PDE4B: variants seen among roughly 807,000 people sequenced by gnomAD.
The protein encoded by PDE4B is phosphodiesterase 4B.
PDE4B carries 20 observed loss-of-function variants against 82.2 expected under a neutral mutation model. That is an observed-to-expected ratio of 0.24 (90% CI 0.17 to 0.35). The LOEUF (loss-of-function observed/expected upper bound fraction) is 0.35, where lower values mean the gene tolerates loss of function less well. PDE4B is among the 10% of genes least tolerant of loss of function. The pLI is 1.00. For missense variants in PDE4B, 655 were observed against 907.2 expected, an observed-to-expected ratio of 0.72 and a Z score of 3.57; for synonymous variants, 320 against 318.9, an observed-to-expected ratio of 1.00 and a Z score of -0.04.
At chr1:66,286,228 T>A (rs1371970108) in intron 7 of PDE4B, among the ~76,000 whole-genome samples, 3 of 152,164 alleles carry the variant, frequency 2.0e-5, no homozygotes, top group Admixed American at 1.3e-4. Context: ...GGTTATAAAC[T>A]GAAACTTTGA....
chr1:66,202,146 G>T (rs568889555), intron 3 of PDE4B, among the ~76,000 whole-genome samples: 2 of 152,212 alleles, frequency 1.3e-5, no homozygotes, highest in East Asian at 1.9e-4. Context: ...TTTCCATGTA[G>T]TTGAGCAGTT....
At chr1:65,976,281 A>G (rs1354112112) in intron 3 of PDE4B, among the ~76,000 whole-genome samples, 1 of 152,234 alleles carries the variant, frequency 6.6e-6, no homozygotes, top group Non-Finnish European at 1.5e-5. Flanking sequence ...TCAGACTGGC[A>G]CGGTGCCTGT....
chr1:65,919,726 A>G (rs2100480516), intron 3 of PDE4B, among the ~76,000 whole-genome samples: 1 of 150,034 alleles, frequency 6.7e-6, no homozygotes, highest in East Asian at 1.9e-4. Context: ...AAAATCTATT[A>G]TTTTTATGGT....
At chr1:65,950,929 G>T (rs1054193309) in intron 3 of PDE4B, among the ~76,000 whole-genome samples, 5 of 152,116 alleles carry the variant, frequency 3.3e-5, no homozygotes, top group Non-Finnish European at 7.4e-5. Context: ...TCCTAGGTAA[G>T]AAATACATTT....
chr1:66,294,786 A>G (rs1394013253), intron 7 of PDE4B, among the ~76,000 whole-genome samples: 3 of 152,168 alleles, frequency 2.0e-5, no homozygotes, highest in Non-Finnish European at 4.4e-5. Context: ...GACTGACTAC[A>G]TTAAAAGAGA....
intron 3 of PDE4B, among the ~76,000 whole-genome samples, chr1:66,166,166 A>G (rs1216948114): frequency 6.6e-6 from 1 of 152,196 alleles, no homozygotes; most frequent in Non-Finnish European, 1.5e-5. Context: ...TCAACAAATA[A>G]TACAGAGACA....
intron 3 of PDE4B, among the ~76,000 whole-genome samples, chr1:66,165,353 A>G (rs977025490): frequency 9.9e-5 from 15 of 152,168 alleles, no homozygotes; most frequent in Non-Finnish European, 1.6e-4. Context: ...TTCTAAGACT[A>G]TTATCTGAGG....
At chr1:65,892,859 T>C (rs1280675693) in intron 1 of PDE4B, among the ~76,000 whole-genome samples, 1 of 152,140 alleles carries the variant, frequency 6.6e-6, no homozygotes, top group African/African-American at 2.4e-5. Flanking sequence ...TAATAAATTA[T>C]CTACATTTGC....
At chr1:66,324,385 T>G (rs922965073) in intron 7 of PDE4B, among the ~76,000 whole-genome samples, 3 of 152,154 alleles carry the variant, frequency 2.0e-5, no homozygotes, top group Non-Finnish European at 4.4e-5. Context: ...CATATCACTT[T>G]GAGCAAATTG....
rs533984624 is a variant in PDE4B at position 66,259,327 on chromosome 1, CT to C, written c.584+1465del. Among the ~76,000 whole-genome samples the C allele has an allele frequency of 5.9e-5, 9 of 152,254 alleles. No individual in the cohort carries two copies. The South Asian group carries it at 1.9e-3, about 32-fold the overall frequency. On this transcript the variant is annotated intron_variant, in intron 6 of 16. Transcript: ENST00000341517. ...CCTCTCCTCTTTTAGGGCTTACATT[CT>C]AATACAAAATGCTGTAGGATGCAGT...
At chr1:66,098,744 T>A (rs141222006) in intron 3 of PDE4B, among the ~76,000 whole-genome samples, 8 of 152,286 alleles carry the variant, frequency 5.3e-5, no homozygotes, top group African/African-American at 1.7e-4. Context: ...AGGTTTCATT[T>A]CTAAATCAAA....
intron 1 of PDE4B, among the ~76,000 whole-genome samples, chr1:65,848,436 G>T (rs1385209333): frequency 7.2e-6 from 1 of 139,574 alleles, no homozygotes; most frequent in Non-Finnish European, 1.5e-5. Context: ...AAGCCACCAC[G>T]CCTGGCCCAG....
chr1:66,257,715 A>C, intron 5 of PDE4B, 32 bp downstream of exon 5: 1 of 1,611,702 alleles, frequency 6.2e-7, no homozygotes, highest in Non-Finnish European at 8.5e-7. Flanking sequence ...GCTTGCTTTC[A>C]CTGTCGCTGG....
intron 7 of PDE4B, among the ~76,000 whole-genome samples, chr1:66,295,621 G>C (rs1657454785): frequency 6.6e-6 from 1 of 152,038 alleles, no homozygotes; most frequent in Non-Finnish European, 1.5e-5. Context: ...TAGAGACAGG[G>C]TTTCACCATG....
chr1:65,864,844 AG>A (rs1480618749), intron 1 of PDE4B, among the ~76,000 whole-genome samples: 2 of 152,206 alleles, frequency 1.3e-5, no homozygotes, highest in African/African-American at 4.8e-5. Context: ...CACGGGGTTC[AG>A]GGATCCACTC....
intron 3 of PDE4B, among the ~76,000 whole-genome samples, chr1:66,191,983 A>G (rs1647851408): frequency 1.3e-5 from 2 of 152,168 alleles, no homozygotes; most frequent in Admixed American, 6.6e-5. Context: ...CTTGGGAATT[A>G]TGGGAGCTAC....
chr1:66,309,646 AGGCTGT>A (rs1658531011), intron 7 of PDE4B, among the ~76,000 whole-genome samples: 1 of 152,196 alleles, frequency 6.6e-6, no homozygotes. Flanking sequence ...ATGGGAGTAC[AGGCTGT>A]GCCACTCACT....
At chr1:65,997,487 C>T (rs1420876013) in intron 3 of PDE4B, among the ~76,000 whole-genome samples, 4 of 152,088 alleles carry the variant, frequency 2.6e-5, no homozygotes, top group African/African-American at 9.7e-5. Context: ...GGAAAAAAAA[C>T]AGTGAATATG....
intron 7 of PDE4B, among the ~76,000 whole-genome samples, chr1:66,305,440 T>A (rs1041512643): frequency 6.6e-6 from 1 of 152,176 alleles, no homozygotes; most frequent in Non-Finnish European, 1.5e-5. Flanking sequence ...ACAGGTAATT[T>A]TTTTAGTAGA....
Sources: allele counts gnomAD v4.1 joint callset (sites outside exome capture counted in the v4.1 genomes callset), GRCh38; gene constraint gnomAD v4.1.1; transcripts MANE v1.5; gene names NCBI Gene and HGNC (gene_info 2026-07-23, HGNC 2026-07-21).